TCF7L1: variants seen among roughly 807,000 people sequenced by gnomAD.
TCF7L1 encodes transcription factor 7 like 1.
In TCF7L1, 18 loss-of-function variants were observed where a neutral mutation model predicts 63.7. The observed-to-expected ratio is 0.28, with a 90% CI of 0.20 to 0.42. The LOEUF is 0.42. Ranked by LOEUF, TCF7L1 falls within the 10% of genes least tolerant of loss-of-function variation. The probability of loss-of-function intolerance (pLI) is 1.00; values close to 1 mark genes in which losing one functional copy is unlikely to be tolerated. For synonymous variants in TCF7L1, 355 were observed against 340.9 expected (o/e 1.04, Z -0.46); for missense variants, 654 against 779.3 (o/e 0.84, Z 1.91).
At chr2:85,259,974 T>A (rs1235081491) in intron 3 of TCF7L1, among the ~76,000 whole-genome samples, 1 of 152,042 alleles carries the variant, frequency 6.6e-6, no homozygotes, top group Non-Finnish European at 1.5e-5. Context: ...CTCTGAGAAC[T>A]CCCAAGAGGC....
At chr2:85,251,263 G>A (rs1002361375) in intron 3 of TCF7L1, among the ~76,000 whole-genome samples, 2 of 152,234 alleles carry the variant, frequency 1.3e-5, no homozygotes, top group African/African-American at 4.8e-5. Flanking sequence ...GAATAGGTCA[G>A]TGGACCAAGT....
chr2:85,197,715 C>G (rs1322385547), intron 3 of TCF7L1, among the ~76,000 whole-genome samples: 2 of 152,208 alleles, frequency 1.3e-5, no homozygotes, highest in African/African-American at 4.8e-5. Flanking sequence ...CACCTTTGTT[C>G]TTCTTACAGA....
intron 3 of TCF7L1, among the ~76,000 whole-genome samples, chr2:85,171,221 A>G (rs1017622423): frequency 6.6e-6 from 1 of 152,198 alleles, no homozygotes; most frequent in African/African-American, 2.4e-5. Flanking sequence ...AGCATGGGAA[A>G]GACCTGCCAT....
intron 3 of TCF7L1, among the ~76,000 whole-genome samples, chr2:85,158,763 T>G (rs1678212509): frequency 1.3e-5 from 2 of 152,208 alleles, no homozygotes; most frequent in Admixed American, 1.3e-4. Flanking sequence ...GCATGCTAAT[T>G]TCTCTCTGTC....
intron 3 of TCF7L1, among the ~76,000 whole-genome samples, chr2:85,158,314 C>A (rs1678198046): frequency 6.6e-6 from 1 of 152,208 alleles, no homozygotes; most frequent in South Asian, 2.1e-4. Flanking sequence ...GAGACCCAGT[C>A]CCCTCTGGGA....
intron 3 of TCF7L1, among the ~76,000 whole-genome samples, chr2:85,169,884 C>T (rs114698019): frequency 5.6e-4 from 85 of 152,238 alleles, no homozygotes; most frequent in African/African-American, 2.0e-3. Context: ...GCCTGGCAAT[C>T]AGGATTTTTT....
chr2:85,241,539 C>T (rs548752947), intron 3 of TCF7L1, among the ~76,000 whole-genome samples: 203 of 149,744 alleles, frequency 1.4e-3, no homozygotes, highest in Non-Finnish European at 2.2e-3. Flanking sequence ...CTCTGCCTCC[C>T]GGGTTCAAGC....
At chr2:85,245,330 C>T (rs908828873) in intron 3 of TCF7L1, among the ~76,000 whole-genome samples, 1 of 152,144 alleles carries the variant, frequency 6.6e-6, no homozygotes, top group African/African-American at 2.4e-5. Flanking sequence ...TAGGGGGTTC[C>T]CTTCTTGGAT....
At chr2:85,283,699 G>A (rs1265054381) in intron 4 of TCF7L1, 121 bp downstream of exon 4, 3 of 1,071,856 alleles carry the variant, frequency 2.8e-6, no homozygotes, top group Non-Finnish European at 4.3e-6. Context: ...AAATGTGTGA[G>A]TACAGTGAGG....
intron 3 of TCF7L1, among the ~76,000 whole-genome samples, chr2:85,197,645 T>C (rs1371670181): frequency 6.6e-6 from 1 of 152,246 alleles, no homozygotes; most frequent in African/African-American, 2.4e-5. Flanking sequence ...AAATATTAGC[T>C]GATGTGGCTG....
intron 3 of TCF7L1, among the ~76,000 whole-genome samples, chr2:85,272,064 C>A (rs186479718): frequency 8.3e-4 from 127 of 152,306 alleles, no homozygotes; most frequent in African/African-American, 2.9e-3. Flanking sequence ...GGTTGCCCCC[C>A]ACCCCCGCTG....
chr2:85,147,480 A>T (rs1162147720), intron 3 of TCF7L1, among the ~76,000 whole-genome samples: 2 of 151,942 alleles, frequency 1.3e-5, no homozygotes, highest in Non-Finnish European at 1.5e-5. Context: ...CGCTAGGTGG[A>T]GATGGGGAGA....
chr2:85,178,061 C>G (rs1399780195), intron 3 of TCF7L1, among the ~76,000 whole-genome samples: 1 of 152,028 alleles, frequency 6.6e-6, no homozygotes, highest in East Asian at 1.9e-4. Context: ...GCAGGGCCCC[C>G]GAGCCCTGAG....
chr2:85,178,239 CT>C (rs569049248), intron 3 of TCF7L1, among the ~76,000 whole-genome samples: 1 of 152,224 alleles, frequency 6.6e-6, no homozygotes, highest in Non-Finnish European at 1.5e-5. Flanking sequence ...TTCTTACACA[CT>C]TTTCAGAATT....
chr2:85,230,365 C>T (rs1204241470), intron 3 of TCF7L1, among the ~76,000 whole-genome samples: 1 of 152,188 alleles, frequency 6.6e-6, no homozygotes, highest in East Asian at 1.9e-4. Context: ...CAGAGTTTCA[C>T]TCTTGTTGCC....
At chr2:85,252,601 A>T (rs1010225526) in intron 3 of TCF7L1, among the ~76,000 whole-genome samples, 17 of 152,294 alleles carry the variant, frequency 1.1e-4, no homozygotes, top group African/African-American at 4.1e-4. Flanking sequence ...ACCACAAAAG[A>T]GCGGTGTGTT....
chr2:85,176,917 G>A (rs1267180808), intron 3 of TCF7L1, among the ~76,000 whole-genome samples: 4 of 150,866 alleles, frequency 2.7e-5, no homozygotes, highest in Admixed American at 6.6e-5. Flanking sequence ...AACCCAGGAG[G>A]TGGAGGTTTC....
At chr2:85,283,687 T>A in intron 4 of TCF7L1, 109 bp downstream of exon 4, 2 of 1,230,386 alleles carry the variant, frequency 1.6e-6, no homozygotes, top group Non-Finnish European at 2.4e-6. Flanking sequence ...CAGTGTTTCC[T>A]CAAATGTGTG....
At chr2:85,217,820 G>T (rs990110128) in intron 3 of TCF7L1, among the ~76,000 whole-genome samples, 2 of 152,154 alleles carry the variant, frequency 1.3e-5, no homozygotes. Flanking sequence ...AATCTGACAT[G>T]CCCCAGTCAG....
Sources: gnomAD v4.1 joint callset for allele counts (sites outside exome capture counted in the v4.1 genomes callset) on GRCh38, gnomAD v4.1.1 for gene constraint, MANE v1.5 for transcripts, NCBI Gene and HGNC (gene_info 2026-07-23, HGNC 2026-07-21) for gene names.